BACH2: variants seen among roughly 807,000 people sequenced by gnomAD.
BACH2 encodes transcription regulator protein BACH2.
A neutral mutation model predicts 61.8 loss-of-function variants in BACH2; 5 were observed. The ratio of observed to expected loss-of-function variants is 0.08; its 90% confidence interval spans 0.04 to 0.17. The LOEUF (loss-of-function observed/expected upper bound fraction) is 0.17, where lower values mean the gene tolerates loss of function less well. Among genes scored for constraint, BACH2 ranks in the 10% least tolerant of loss-of-function variants. The pLI, the probability that BACH2 is intolerant of heterozygous loss-of-function variation, is 1.00. For synonymous variants in BACH2, 446 were observed against 440.1 expected (o/e 1.01, Z -0.17); for missense variants, 824 against 1,091.1 (o/e 0.76, Z 3.45).
rs1774084810 is a variant in BACH2 at position 89,951,204 on chromosome 6, T to G, written c.902A>C (p.Lys301Thr). Residue 301 changes from lysine (K) to threonine (T), a missense_variant, in exon 7 of 9, where the codon AAG (lysine) becomes ACG (threonine). Lys to Thr is a moderately conservative substitution (Grantham distance 78, BLOSUM62 -1). This residue lies in a region of BACH2 where 226 missense variants were observed against 228.5 expected (regional missense o/e 0.99). Transcript: ENST00000257749. The surrounding 1 kb of genome is among the most constrained non-coding windows in gnomAD (Gnocchi z 6.4). ...LCLSGDEPDA[K>T]DRAGDVEMDR... is the part of the protein sequence containing the mutation. The stretch of plus-strand genomic sequence containing the variant: ...CATCTCGACATCCCCCGCTCTGTCC[T>G]TGGCGTCAGGCTCATCTCCAGACAG... 6.2e-7 allele frequency: 1 copy of G among 1,614,048 alleles called. No homozygotes were observed. The highest frequency in any genetic ancestry group is 2.2e-5 in the East Asian group (1 of 44,850).
rs1403885552 is a variant in BACH2 at position 89,930,882 on chromosome 6, T to C, written c.*1526A>G. 1 of 152,314 alleles carries C rather than the reference T, an allele frequency of 6.6e-6. No homozygotes were observed. The highest frequency in any genetic ancestry group is 2.4e-5 in the African/African-American group (1 of 41,452). 9.4% of individuals were successfully genotyped at this position (152,314 alleles called of 1,614,324 possible). A position where few individuals can be genotyped will look rare whatever the true frequency, so the allele number is the denominator to read the frequency against. On this transcript the variant is annotated 3_prime_UTR_variant, in exon 9 of 9. Coordinates refer to ENST00000257749, the MANE Select transcript of BACH2 (RefSeq NM_021813.4). ...CTTTGGAGAAGGAAAGGAGAAAGAA[T>C]GTGTCAGCCTGTGTCAGGGATGGAT...
intron 4 of BACH2, among the ~76,000 whole-genome samples, chr6:90,127,989 T>C (rs1163761070): frequency 6.6e-6 from 1 of 152,158 alleles, no homozygotes; most frequent in Admixed American, 6.5e-5. Context: ...CAAGGAAAAC[T>C]GTGGACCAGG....
intron 1 of BACH2, among the ~76,000 whole-genome samples, chr6:90,285,136 G>A (rs1026654025): frequency 6.6e-6 from 1 of 152,162 alleles, no homozygotes; most frequent in Non-Finnish European, 1.5e-5. Flanking sequence ...CACACTTTCC[G>A]ATGAAAATAA....
At chr6:90,092,119 G>T (rs1209042263) in intron 4 of BACH2, among the ~76,000 whole-genome samples, 1 of 151,292 alleles carries the variant, frequency 6.6e-6, no homozygotes, top group Admixed American at 6.6e-5. Flanking sequence ...CATTAATAAC[G>T]CAAACGATTA....
At chr6:89,953,382 G>A (rs1230967471) in intron 6 of BACH2, among the ~76,000 whole-genome samples, 1 of 152,058 alleles carries the variant, frequency 6.6e-6, no homozygotes, top group Non-Finnish European at 1.5e-5. Flanking sequence ...GTAACTGAAC[G>A]GGATTTTAAT....
At chr6:90,074,415 A>G (rs571794627) in intron 5 of BACH2, among the ~76,000 whole-genome samples, 118 of 152,232 alleles carry the variant, frequency 7.8e-4, no homozygotes, top group Non-Finnish European at 1.4e-3. Context: ...AGCGCTGGGA[A>G]CTCAGGGACG....
chr6:89,948,046 CA>C (rs1392756945), intron 7 of BACH2, among the ~76,000 whole-genome samples: 4 of 152,202 alleles, frequency 2.6e-5, no homozygotes, highest in Non-Finnish European at 4.4e-5. Flanking sequence ...AACATACACA[CA>C]AAAAATGTGT....
chr6:90,218,956 T>TGTGTGA (rs1204918844), intron 3 of BACH2, among the ~76,000 whole-genome samples: 3 of 149,406 alleles, frequency 2.0e-5, no homozygotes, highest in Non-Finnish European at 3.0e-5. Context: ...TGTGTGTGTG[T>TGTGTGA]GACACAGAGA....
At chr6:90,006,929 T>C (rs1416416877) in intron 6 of BACH2, among the ~76,000 whole-genome samples, 2 of 152,042 alleles carry the variant, frequency 1.3e-5, no homozygotes, top group East Asian at 3.9e-4. Flanking sequence ...CAGTCCTCAT[T>C]TTTATCAGCT....
chr6:90,068,866 G>A (rs1781089579), intron 5 of BACH2, among the ~76,000 whole-genome samples: 1 of 152,146 alleles, frequency 6.6e-6, no homozygotes, highest in African/African-American at 2.4e-5. Context: ...CCTGTAAACT[G>A]TATTCAAATT....
chr6:90,183,583 G>A (rs1768241437), intron 4 of BACH2, among the ~76,000 whole-genome samples: 2 of 152,206 alleles, frequency 1.3e-5, no homozygotes, highest in Admixed American at 1.3e-4. Context: ...TGCCACCAGT[G>A]AAAGCAGGAA....
intron 5 of BACH2, among the ~76,000 whole-genome samples, chr6:90,023,656 A>G (rs935842819): frequency 4.0e-5 from 6 of 151,684 alleles, no homozygotes; most frequent in Admixed American, 2.6e-4. Context: ...CCTAATCCCC[A>G]GTATAATGGT....
chr6:90,063,495 T>C (rs1780792663), intron 5 of BACH2, among the ~76,000 whole-genome samples: 1 of 152,126 alleles, frequency 6.6e-6, no homozygotes, highest in Non-Finnish European at 1.5e-5. Flanking sequence ...GGGTAGGTAG[T>C]GCTATAAAAA....
chr6:90,078,491 A>G (rs115278030), intron 5 of BACH2, among the ~76,000 whole-genome samples: 164 of 152,314 alleles, frequency 1.1e-3, no homozygotes, highest in African/African-American at 3.7e-3. Flanking sequence ...AAATGCCTGT[A>G]TTCTTCTGAA....
At chr6:89,983,562 G>A (rs927739284) in intron 6 of BACH2, among the ~76,000 whole-genome samples, 5 of 152,204 alleles carry the variant, frequency 3.3e-5, no homozygotes, top group South Asian at 2.1e-4. Flanking sequence ...CCAGCTACTC[G>A]GGAGGCTGAG....
chr6:90,083,927 C>A (rs766756255), intron 5 of BACH2, among the ~76,000 whole-genome samples: 47 of 152,174 alleles, frequency 3.1e-4, no homozygotes, highest in Non-Finnish European at 5.9e-4. Flanking sequence ...AAAGCAGTTT[C>A]TTTTCCTCTT....
intron 4 of BACH2, among the ~76,000 whole-genome samples, chr6:90,105,998 G>A (rs987036527): frequency 2.6e-5 from 4 of 152,274 alleles, no homozygotes; most frequent in East Asian, 3.9e-4. Context: ...TAAAGCAACT[G>A]AGCTTCAGAA....
In BACH2 at chr6:89,932,774, G is replaced by A. The variant is rs72923904; in HGVS notation, c.2160C>T (p.Pro720=). The change falls in exon 9 of 9, where the codon CCC becomes CCT. Residue 720 remains proline, a synonymous_variant. Coordinates refer to ENST00000257749, the MANE Select transcript of BACH2 (RefSeq NM_021813.4). ...SQEVCRDIQS[P]EQIQALHRYC... ...ACCGATGCAGGGCCTGGATCTGCTC[G>A]GGGCTCTGGATGTCTCGGCAAACTT... 0.027 allele frequency: 43,805 copies of A among 1,613,862 alleles called. 730 individuals carry two copies. Among genetic ancestry groups the A allele is most frequent in the Non-Finnish European group, 0.031 (36,956 of 1,179,774 alleles).
At chr6:90,027,226 C>T (rs566545692) in intron 5 of BACH2, among the ~76,000 whole-genome samples, 2 of 152,048 alleles carry the variant, frequency 1.3e-5, no homozygotes, top group South Asian at 2.1e-4. Context: ...TCAGAGAACA[C>T]GGGGAAAAGG....
Sources: allele counts gnomAD v4.1 joint callset (sites outside exome capture counted in the v4.1 genomes callset), GRCh38; gene constraint gnomAD v4.1.1; regional missense constraint gnomAD v4.1.1; non-coding constraint Gnocchi (gnomAD v3.1); transcripts MANE v1.5; gene names NCBI Gene and HGNC (gene_info 2026-07-23, HGNC 2026-07-21).